The following ZNF644 variants were observed in gnomAD, a reference collection of about 807,000 sequenced individuals.
ZNF644 encodes the protein zinc finger motif enhancer binding protein 2.
ZNF644 carries 20 observed loss-of-function variants against 108.0 expected under a neutral mutation model. That is an observed-to-expected ratio of 0.19 (90% CI 0.13 to 0.27). The LOEUF is 0.27. Ranked by LOEUF, ZNF644 falls within the 10% of genes least tolerant of loss-of-function variation. ZNF644 has a pLI of 1.00. For synonymous variants in ZNF644, 542 were observed against 539.1 expected, an observed-to-expected ratio of 1.01 and a Z score of -0.08; for missense variants, 1,338 against 1,548.9, an observed-to-expected ratio of 0.86 and a Z score of 2.29.
At chr1:90,994,249 C>T (rs917985761) in intron 1 of ZNF644, among the ~76,000 whole-genome samples, 1 of 152,094 alleles carries the variant, frequency 6.6e-6, no homozygotes, top group Non-Finnish European at 1.5e-5. Context: ...TGGAAGAAAT[C>T]CAAGCCAAAA....
intron 1 of ZNF644, among the ~76,000 whole-genome samples, chr1:90,986,002 A>T (rs560069387): frequency 3.0e-4 from 45 of 152,238 alleles, no homozygotes; most frequent in Non-Finnish European, 4.7e-4. Context: ...AAATTTTTTT[A>T]AAAAAAGATT....
At chr1:90,950,297 G>GAGGGGAGGGGAGGGC (rs1553151444) in intron 2 of ZNF644, among the ~76,000 whole-genome samples, 1 of 26,078 alleles carries the variant, frequency 3.8e-5, no homozygotes, top group Non-Finnish European at 8.6e-5. Flanking sequence ...AAGGGAAGGG[G>GAGGGGAGGGGAGGGC]AGGGGAGGGG....
Position 90,938,066 on chromosome 1 carries a change from G to A in ZNF644, c.3107C>T (p.Ser1036Phe), listed in dbSNP as rs761593523. The A allele has an allele frequency of 3.1e-6, 5 of 1,610,824 alleles. No homozygotes were observed. The South Asian group carries it at 5.5e-5, about 18-fold the overall frequency. The change falls in exon 4 of 6, where the codon TCT (serine) becomes TTT (phenylalanine). Residue 1036 changes from serine (S) to phenylalanine (F), a missense_variant. Ser to Phe is a radical substitution (Grantham distance 155, BLOSUM62 -2). Coordinates refer to ENST00000337393, the MANE Select transcript of ZNF644 (RefSeq NM_201269.3). The surrounding 1 kb of genome is among the most constrained non-coding windows in gnomAD (Gnocchi z 4.2). ...RKAIEKSETT[S>F]EHTCQLCGGW... ...ACCACAGAGCTGACAAGTGTGTTCA[G>A]AAGTGGTTTCAGACTTCTCTATAGC... is the stretch of plus-strand genomic sequence containing the variant.
In ZNF644 at chr1:91,007,225, G is replaced by GTTTT. The variant is rs35761791; in HGVS notation, c.-18+14761_-18+14764dup. ...AATTTCTTCCATTTTCTCCCATTTTGTTTTTTTTTTTTTTTTTTTTTTTTT... is the reference window on the plus strand; with the variant it reads ...AATTTCTTCCATTTTCTCCCATTTTGTTTTTTTTTTTTTTTTTTTTTTTTTTTTT... On this transcript the variant is annotated intron_variant, in intron 1 of 5. Coordinates refer to ENST00000337393, the MANE Select transcript of ZNF644 (RefSeq NM_201269.3). 3.8e-4 allele frequency among the ~76,000 whole-genome samples: 21 copies of GTTTT among 55,998 alleles called. 5 individuals carry two copies. The highest frequency in any genetic ancestry group is 1.1e-3 in the African/African-American group (15 of 13,136). The allele number at this position is 55,998 out of a possible 152,430, so 36.7% of individuals were successfully genotyped here.
intron 1 of ZNF644, among the ~76,000 whole-genome samples, chr1:91,008,399 G>A (rs1332399995): frequency 6.6e-6 from 1 of 152,174 alleles, no homozygotes; most frequent in Non-Finnish European, 1.5e-5. Context: ...CTTCTCCACT[G>A]ACAGCAGAAG....
rs568907071 is a variant in ZNF644 at position 90,965,246 on chromosome 1, T to C, written c.44+17064A>G. ...CTGGAAGTCCAAGACAAAAGTACAG[T>C]AGGGCTGCTTCCTTCTGACTGCTGT... is the stretch of plus-strand genomic sequence containing the variant. On this transcript the variant is annotated intron_variant, in intron 2 of 5. Transcript: ENST00000337393. Among the ~76,000 whole-genome samples, 17 of 152,268 alleles carry C rather than the reference T, an allele frequency of 1.1e-4. No homozygotes were observed. The South Asian group carries it at 1.9e-3, about 17-fold the overall frequency.
intron 1 of ZNF644, among the ~76,000 whole-genome samples, chr1:90,996,092 A>G (rs1334451085): frequency 6.6e-6 from 1 of 152,234 alleles, no homozygotes; most frequent in East Asian, 1.9e-4. Flanking sequence ...ACATATATTA[A>G]AAGGTACTCA....
intron 1 of ZNF644, among the ~76,000 whole-genome samples, chr1:90,999,143 T>C (rs1466039439): frequency 6.6e-6 from 1 of 152,102 alleles, no homozygotes; most frequent in African/African-American, 2.4e-5. Flanking sequence ...AGGAGAACTT[T>C]CCCAACCTAG....
intron 2 of ZNF644, among the ~76,000 whole-genome samples, chr1:90,963,338 G>A (rs372038981): frequency 5.3e-5 from 8 of 152,066 alleles, no homozygotes; most frequent in Non-Finnish European, 8.8e-5. Context: ...TATTAATACC[G>A]AGTGTTAGTG....
At chr1:90,948,645 G>T (rs116503006) in intron 2 of ZNF644, among the ~76,000 whole-genome samples, 1 of 152,112 alleles carries the variant, frequency 6.6e-6, no homozygotes, top group African/African-American at 2.4e-5. Flanking sequence ...GTTTGGGTGC[G>T]GATGCAGAAC....
At chr1:90,997,419 T>C (rs78560455) in intron 1 of ZNF644, among the ~76,000 whole-genome samples, 1,819 of 152,020 alleles carry the variant, frequency 0.012, 39 homozygotes, top group African/African-American at 0.042. Context: ...ACAAAGAATA[T>C]AGATTTCATA....
At chr1:90,960,364 T>C (rs1296577305) in intron 2 of ZNF644, among the ~76,000 whole-genome samples, 3 of 152,022 alleles carry the variant, frequency 2.0e-5, no homozygotes, top group Non-Finnish European at 4.4e-5. Flanking sequence ...AGAGCTTAGG[T>C]AAAACAGAAA....
chr1:91,008,891 C>G (rs558526732), intron 1 of ZNF644, among the ~76,000 whole-genome samples: 1 of 152,218 alleles, frequency 6.6e-6, no homozygotes, highest in South Asian at 2.1e-4. Context: ...GCAGGAATAA[C>G]AGAAGGCTGT....
chr1:90,997,234 G>C (rs1314764824), intron 1 of ZNF644, among the ~76,000 whole-genome samples: 1 of 152,144 alleles, frequency 6.6e-6, no homozygotes, highest in African/African-American at 2.4e-5. Flanking sequence ...ACACAAGCAG[G>C]AAGTAAAAAG....
intron 4 of ZNF644, among the ~76,000 whole-genome samples, chr1:90,927,448 A>G (rs1025142605): frequency 6.6e-6 from 1 of 152,150 alleles, no homozygotes; most frequent in Admixed American, 6.5e-5. Context: ...GTTACCCAAA[A>G]TACTCGATTA....
intron 4 of ZNF644, among the ~76,000 whole-genome samples, chr1:90,923,581 T>C (rs1570336608): frequency 6.6e-6 from 1 of 152,166 alleles, no homozygotes; most frequent in African/African-American, 2.4e-5. Flanking sequence ...TTCATCAACA[T>C]TTTCCCTTGA....
chr1:90,937,825 G>C lies in ZNF644; in HGVS notation c.3348C>G (p.Asp1116Glu). Residue 1116 changes from aspartate (D) to glutamate (E), a missense_variant, in exon 4 of 6, where the codon GAC becomes GAG. By Grantham distance (45) the Asp-to-Glu change is conservative. Around this residue, in one of 6 missense-constraint regions of ZNF644, gnomAD observed 287 missense variants for 310.9 expected, o/e 0.92. Coordinates refer to ENST00000337393, the MANE Select transcript of ZNF644 (RefSeq NM_201269.3). ...GAGGTATAACATTTTGAGATATAAA[G>C]TCATCACTTGATGCAAGTTTTTGAG... is the stretch of plus-strand genomic sequence containing the variant. Reference protein sequence around the residue: ...FVAQKLASSDDFISQNVIPLE... With the variant: ...FVAQKLASSDEFISQNVIPLE... 2 of 1,613,848 alleles carry C rather than the reference G, an allele frequency of 1.2e-6. No homozygotes were observed. Among genetic ancestry groups the C allele is most frequent in the Non-Finnish European group, 1.7e-6 (2 of 1,179,864 alleles).
intron 2 of ZNF644, among the ~76,000 whole-genome samples, chr1:90,968,934 T>C (rs1299474342): frequency 1.3e-5 from 2 of 152,210 alleles, no homozygotes; most frequent in East Asian, 1.9e-4. Context: ...CATCTTGTTA[T>C]TACATTCTAA....
intron 1 of ZNF644, among the ~76,000 whole-genome samples, chr1:90,991,464 T>C (rs1195598537): frequency 6.6e-6 from 1 of 152,208 alleles, no homozygotes; most frequent in East Asian, 1.9e-4. Flanking sequence ...CATATGTCCA[T>C]ACAATGATGT....
Sources: gnomAD v4.1 joint callset for allele counts (sites outside exome capture counted in the v4.1 genomes callset) on GRCh38, gnomAD v4.1.1 for gene constraint, gnomAD v4.1.1 regional missense constraint, Gnocchi (gnomAD v3.1) non-coding constraint, MANE v1.5 for transcripts, NCBI Gene and HGNC (gene_info 2026-07-23, HGNC 2026-07-21) for gene names.